The following RAD51B variants were observed in gnomAD, a reference collection of about 807,000 sequenced individuals.
The protein encoded by RAD51B is DNA repair protein RAD51 homolog 2.
RAD51B carries 38 observed loss-of-function variants against 42.2 expected under a neutral mutation model. The observed-to-expected ratio is 0.90, with a 90% CI of 0.70 to 1.18. The LOEUF (loss-of-function observed/expected upper bound fraction) is 1.18, where lower values mean the gene tolerates loss of function less well. Ranked by LOEUF, RAD51B falls within the 50% of genes most tolerant of loss-of-function variation. The pLI, the probability that RAD51B is intolerant of heterozygous loss-of-function variation, is 0.00. For missense variants in RAD51B, 373 were observed against 400.7 expected (o/e 0.93, Z 0.59); for synonymous variants, 154 against 145.2 (o/e 1.06, Z -0.43).
At chr14:68,486,201 A>C (rs1883610455) in intron 10 of RAD51B, among the ~76,000 whole-genome samples, 1 of 152,108 alleles carries the variant, frequency 6.6e-6, no homozygotes, top group East Asian at 1.9e-4. Flanking sequence ...CATTGGTCAA[A>C]CTTTGTCCTG....
rs1342445902 is a variant in RAD51B at position 68,223,025 on chromosome 14, T to A, written c.757-68859T>A. ...AAGTGTCTGCTGGGAATCTCCTAGATGTTGTGGGCTAACTCCAACTCAGAA... is the reference window on the plus strand; with the variant it reads ...AAGTGTCTGCTGGGAATCTCCTAGAAGTTGTGGGCTAACTCCAACTCAGAA... On this transcript the variant is annotated intron_variant, in intron 7 of 10. Transcript: ENST00000471583. Among the ~76,000 whole-genome samples, 5 of 152,180 alleles carry A rather than the reference T, an allele frequency of 3.3e-5. No homozygotes were observed. The East Asian group carries it at 9.6e-4, about 29-fold the overall frequency.
chr14:68,016,863 AGTGACTTCTTTGAAG>A (rs1344107682), intron 7 of RAD51B, among the ~76,000 whole-genome samples: 3 of 152,254 alleles, frequency 2.0e-5, no homozygotes, highest in Admixed American at 2.0e-4. Context: ...TCTGGAATTA[AGTGACTTCTTTGAAG>A]ACTTTATAAC....
chr14:67,927,630 C>T (rs1414164899), intron 7 of RAD51B, among the ~76,000 whole-genome samples: 2 of 151,924 alleles, frequency 1.3e-5, no homozygotes, highest in Non-Finnish European at 2.9e-5. Context: ...AACATAATGA[C>T]GTCCAATTCC....
chr14:68,591,518 G>A (rs368747410), intron 10 of RAD51B, among the ~76,000 whole-genome samples: 8 of 152,130 alleles, frequency 5.3e-5, no homozygotes, highest in African/African-American at 1.4e-4. Flanking sequence ...TATGATAATC[G>A]ATATCCTTCC....
chr14:67,915,016 A>G (rs1948703409), intron 7 of RAD51B, among the ~76,000 whole-genome samples: 1 of 152,180 alleles, frequency 6.6e-6, no homozygotes, highest in African/African-American at 2.4e-5. Context: ...TCTAAGTGAG[A>G]GCTAAACATC....
intron 7 of RAD51B, among the ~76,000 whole-genome samples, chr14:68,175,311 T>A (rs544398997): frequency 6.6e-6 from 1 of 152,310 alleles, no homozygotes; most frequent in Non-Finnish European, 1.5e-5. Context: ...GAACAGTATT[T>A]GAGTTTCATC....
At chr14:67,974,840 T>A (rs1384595899) in intron 7 of RAD51B, among the ~76,000 whole-genome samples, 1 of 152,230 alleles carries the variant, frequency 6.6e-6, no homozygotes, top group Non-Finnish European at 1.5e-5. Context: ...AATTTTTAAT[T>A]AGTTGTGAAC....
intron 7 of RAD51B, among the ~76,000 whole-genome samples, chr14:68,190,589 T>C (rs2079245148): frequency 6.6e-6 from 1 of 152,174 alleles, no homozygotes; most frequent in Non-Finnish European, 1.5e-5. Flanking sequence ...AGCTCATTCA[T>C]TCACATAATC....
At chr14:67,953,363 G>A (rs1285072741) in intron 7 of RAD51B, among the ~76,000 whole-genome samples, 1 of 152,100 alleles carries the variant, frequency 6.6e-6, no homozygotes, top group Non-Finnish European at 1.5e-5. Flanking sequence ...CTGATTTAGG[G>A]TGAAGTATAA....
At chr14:68,342,794 G>T (rs2082598097) in intron 8 of RAD51B, among the ~76,000 whole-genome samples, 1 of 152,094 alleles carries the variant, frequency 6.6e-6, no homozygotes, top group South Asian at 2.1e-4. Flanking sequence ...ATTCATACAT[G>T]TCCACGTTTG....
intron 7 of RAD51B, among the ~76,000 whole-genome samples, chr14:68,093,888 A>T (rs1034494821): frequency 2.6e-5 from 4 of 152,176 alleles, no homozygotes; most frequent in African/African-American, 9.7e-5. Context: ...TAGGGTCATC[A>T]AGCATACACA....
chr14:68,632,123 C>G (rs1477755222), intron 10 of RAD51B, among the ~76,000 whole-genome samples: 1 of 152,170 alleles, frequency 6.6e-6, no homozygotes, highest in Non-Finnish European at 1.5e-5. Context: ...CTCTTTCTTT[C>G]TTCTCCAGAA....
chr14:67,888,184 CT>C (rs1237577803), intron 7 of RAD51B, among the ~76,000 whole-genome samples: 1 of 151,936 alleles, frequency 6.6e-6, no homozygotes, highest in Non-Finnish European at 1.5e-5. Context: ...ACTTTAATGG[CT>C]TTTTAGTTTA....
chr14:68,340,310 G>A (rs1282965490), intron 8 of RAD51B, among the ~76,000 whole-genome samples: 3 of 152,176 alleles, frequency 2.0e-5, no homozygotes, highest in African/African-American at 7.2e-5. Context: ...CTTTTGTGGG[G>A]GAGATTTACA....
chr14:68,140,656 C>T (rs1283901121), intron 7 of RAD51B, among the ~76,000 whole-genome samples: 1 of 152,210 alleles, frequency 6.6e-6, no homozygotes, highest in Non-Finnish European at 1.5e-5. Context: ...TTTCAAGGTT[C>T]ACTAATCAGA....
intron 8 of RAD51B, among the ~76,000 whole-genome samples, chr14:68,353,203 C>T (rs910345217): frequency 2.0e-5 from 3 of 152,106 alleles, no homozygotes; most frequent in Non-Finnish European, 4.4e-5. Context: ...CAACTGGCAT[C>T]GTGGCACAAC....
At chr14:68,393,615 T>C (rs2083824742) in intron 8 of RAD51B, among the ~76,000 whole-genome samples, 1 of 152,224 alleles carries the variant, frequency 6.6e-6, no homozygotes, top group Non-Finnish European at 1.5e-5. Flanking sequence ...AAGGTCTTTA[T>C]CATGGTTGAT....
intron 10 of RAD51B, among the ~76,000 whole-genome samples, chr14:68,543,075 C>T (rs1370081488): frequency 6.6e-6 from 1 of 152,150 alleles, no homozygotes; most frequent in Non-Finnish European, 1.5e-5. Flanking sequence ...TGTAAAAGGC[C>T]AGTCGTAAAT....
intron 7 of RAD51B, among the ~76,000 whole-genome samples, chr14:68,167,657 A>T (rs2078781144): frequency 2.0e-5 from 3 of 152,086 alleles, no homozygotes; most frequent in Admixed American, 1.3e-4. Flanking sequence ...TTAAGATTTG[A>T]TGGGTAGACG....
Sources: allele counts gnomAD v4.1 joint callset (sites outside exome capture counted in the v4.1 genomes callset), GRCh38; gene constraint gnomAD v4.1.1; transcripts MANE v1.5; gene names NCBI Gene and HGNC (gene_info 2026-07-23, HGNC 2026-07-21).